Variants in ERC2 observed in about 807,000 individuals in gnomAD.
ERC2 encodes the protein ELKS/RAB6-interacting/CAST family member 2.
In ERC2, 42 loss-of-function variants were observed where a neutral mutation model predicts 114.8. The ratio of observed to expected loss-of-function variants is 0.37; its 90% CI spans 0.29 to 0.47. The LOEUF is 0.47. ERC2 is among the 20% of genes least tolerant of loss of function. The pLI is 0.99. For missense variants in ERC2, 939 were observed against 1,150.7 expected (o/e 0.82, Z 2.66); for synonymous variants, 454 against 425.5 (o/e 1.07, Z -0.82).
chr3:55,986,120 T>C (rs1576460524), intron 11 of ERC2, 132 bp from the exon 12 acceptor site: 1 of 887,050 alleles, frequency 1.1e-6, no homozygotes, highest in East Asian at 2.7e-5. Context: ...TCAGCAGGTT[T>C]ATAACTAAAC....
chr3:56,241,801 T>C (rs1314387006), intron 3 of ERC2, among the ~76,000 whole-genome samples: 1 of 152,180 alleles, frequency 6.6e-6, no homozygotes, highest in Non-Finnish European at 1.5e-5. Context: ...TCCACATACA[T>C]ACACACTCAC....
intron 6 of ERC2, among the ~76,000 whole-genome samples, chr3:56,098,424 T>C (rs912744668): frequency 2.0e-5 from 3 of 152,128 alleles, no homozygotes; most frequent in Non-Finnish European, 2.9e-5. Context: ...AGGAAGGACA[T>C]AAATGACCAG....
At chr3:55,830,931 G>A (rs1196284049) in intron 14 of ERC2, among the ~76,000 whole-genome samples, 1 of 151,994 alleles carries the variant, frequency 6.6e-6, no homozygotes, top group East Asian at 1.9e-4. Flanking sequence ...GTGGCAGAGT[G>A]ACACCCCATT....
intron 2 of ERC2, among the ~76,000 whole-genome samples, chr3:56,402,581 A>C (rs2060561129): frequency 6.6e-6 from 1 of 152,182 alleles, no homozygotes; most frequent in South Asian, 2.1e-4. Context: ...TTACAACCCC[A>C]CTAACAGTGA....
At chr3:55,647,910 C>T (rs557854959) in intron 17 of ERC2, among the ~76,000 whole-genome samples, 2 of 152,178 alleles carry the variant, frequency 1.3e-5, no homozygotes, top group African/African-American at 2.4e-5. Context: ...GGAGAGTGTG[C>T]GTTGGCGGGT....
intron 14 of ERC2, among the ~76,000 whole-genome samples, chr3:55,844,903 G>T (rs1427869829): frequency 6.6e-6 from 1 of 152,214 alleles, no homozygotes; most frequent in Non-Finnish European, 1.5e-5. Flanking sequence ...TGGCACCAGG[G>T]ACTGGTTTCA....
intron 2 of ERC2, among the ~76,000 whole-genome samples, chr3:56,364,486 T>C (rs2059078710): frequency 6.6e-6 from 1 of 152,210 alleles, no homozygotes; most frequent in Non-Finnish European, 1.5e-5. Context: ...TTTAAATGGG[T>C]GAACTGTATT....
chr3:56,385,203 G>T (rs933402431), intron 2 of ERC2, among the ~76,000 whole-genome samples: 6 of 151,936 alleles, frequency 3.9e-5, no homozygotes, highest in African/African-American at 1.4e-4. Flanking sequence ...GGAAGTCCAA[G>T]ATCAAGGTGC....
intron 17 of ERC2, among the ~76,000 whole-genome samples, chr3:55,538,482 G>GTTGGAGTT (rs2054146989): frequency 6.6e-6 from 1 of 152,246 alleles, no homozygotes; most frequent in African/African-American, 2.4e-5. Context: ...TGGGGACTGG[G>GTTGGAGTT]TTGGAGTTTG....
intron 8 of ERC2, among the ~76,000 whole-genome samples, chr3:56,016,549 T>C (rs188239586): frequency 6.6e-6 from 1 of 152,104 alleles, no homozygotes; most frequent in East Asian, 1.9e-4. Flanking sequence ...TCACGATGAC[T>C]TGGGGAACTT....
chr3:56,409,528 A>C (rs573629430), intron 2 of ERC2, among the ~76,000 whole-genome samples: 25 of 152,046 alleles, frequency 1.6e-4, no homozygotes, highest in Non-Finnish European at 3.4e-4. Flanking sequence ...AAAAAAAAAA[A>C]AAAAAAACCT....
intron 2 of ERC2, among the ~76,000 whole-genome samples, chr3:56,432,498 A>G (rs80217008): frequency 1.6e-3 from 250 of 152,372 alleles, no homozygotes; most frequent in African/African-American, 5.6e-3. Flanking sequence ...GCATCATTTT[A>G]GAGTGAAGAA....
chr3:55,935,094 C>G (rs2066354334), intron 13 of ERC2, among the ~76,000 whole-genome samples: 2 of 152,138 alleles, frequency 1.3e-5, no homozygotes, highest in African/African-American at 4.8e-5. Flanking sequence ...GGCACAGTAC[C>G]CTGCCAGAAG....
intron 14 of ERC2, among the ~76,000 whole-genome samples, chr3:55,820,870 C>T (rs2060095582): frequency 6.6e-6 from 1 of 152,224 alleles, no homozygotes; most frequent in Non-Finnish European, 1.5e-5. Flanking sequence ...CTGGGCCAAG[C>T]TACTGCGCTG....
chr3:55,779,110 G>T (rs2068820417), intron 14 of ERC2, among the ~76,000 whole-genome samples: 1 of 151,904 alleles, frequency 6.6e-6, no homozygotes, highest in Admixed American at 6.6e-5. Context: ...TCCAAAAATG[G>T]CCCTGGGTTT....
At chr3:56,033,044 GAAAGA>G (rs1400335834) in intron 7 of ERC2, among the ~76,000 whole-genome samples, 1 of 94,704 alleles carries the variant, frequency 1.1e-5, no homozygotes, top group Admixed American at 1.0e-4. Flanking sequence ...AAGAAAGAAA[GAAAGA>G]AAGAAAGAAA....
intron 14 of ERC2, among the ~76,000 whole-genome samples, chr3:55,760,485 ATTAG>A (rs2067358795): frequency 6.6e-6 from 1 of 152,226 alleles, no homozygotes; most frequent in Admixed American, 6.5e-5. Flanking sequence ...AGTAGTAAAA[ATTAG>A]TTACATATTC....
chr3:55,511,363 A>G (rs1047177748), intron 17 of ERC2, 87 bp from the exon 18 acceptor site: 2 of 151,442 alleles, frequency 1.3e-5, no homozygotes, highest in Non-Finnish European at 3.0e-5. Context: ...CCCACTCTTC[A>G]CCCCTACAAC....
At chr3:56,460,964 C>CAAAAAA (rs35313545) in intron 1 of ERC2, among the ~76,000 whole-genome samples, 2 of 98,176 alleles carry the variant, frequency 2.0e-5, no homozygotes. Flanking sequence ...ACTAAAAATA[C>CAAAAAA]AAAAAAAAAA....
Sources: allele counts gnomAD v4.1 joint callset (sites outside exome capture counted in the v4.1 genomes callset), GRCh38; gene constraint gnomAD v4.1.1; transcripts MANE v1.5; gene names NCBI Gene and HGNC (gene_info 2026-07-23, HGNC 2026-07-21).